Variants in MSRA observed in about 807,000 individuals in gnomAD.
MSRA encodes mitochondrial peptide methionine sulfoxide reductase.
Under a neutral mutation model 31.3 loss-of-function variants are expected in MSRA, and 54 were observed. The ratio of observed to expected loss-of-function variants is 1.73; its 90% CI spans 1.39 to 2.17. MSRA has a LOEUF of 2.17. Among genes scored for constraint, MSRA ranks in the 30% most tolerant of loss-of-function variants. The pLI, the probability that MSRA is intolerant of heterozygous loss-of-function variation, is 0.00. For synonymous variants in MSRA, 169 were observed against 116.5 expected, an observed-to-expected ratio of 1.45 and a Z score of -2.90; for missense variants, 507 against 300.9, an observed-to-expected ratio of 1.69 and a Z score of -5.07.
chr8:10,102,104 C>T (rs192311988), intron 1 of MSRA, among the ~76,000 whole-genome samples: 1 of 152,164 alleles, frequency 6.6e-6, no homozygotes, highest in East Asian at 1.9e-4. Context: ...TATGTTGTGC[C>T]TTTTTGTGGA....
At chr8:10,233,702 T>TCA (rs1811691391) in intron 2 of MSRA, among the ~76,000 whole-genome samples, 1 of 152,224 alleles carries the variant, frequency 6.6e-6, no homozygotes, top group African/African-American at 2.4e-5. Context: ...TAAGTTGAGA[T>TCA]GTGTCAACTG....
At chr8:10,110,321 T>A (rs1241548077) in intron 1 of MSRA, among the ~76,000 whole-genome samples, 2 of 152,226 alleles carry the variant, frequency 1.3e-5, no homozygotes, top group Non-Finnish European at 2.9e-5. Context: ...TTTCTGGATA[T>A]TTTCAAGAGT....
chr8:10,305,798 G>A lies in MSRA; in HGVS notation c.436+4160G>A, dbSNP rs374990429. 5.3e-5 allele frequency among the ~76,000 whole-genome samples: 8 copies of A among 152,254 alleles called. No individual in the cohort carries two copies. The East Asian group carries it at 5.8e-4, about 11-fold the overall frequency. On this transcript the variant is annotated intron_variant, in intron 4 of 5. Transcript: ENST00000317173. ...GCTTTTTAAGGTATAGGTGAGGCCC[G>A]AGACCTGTTATTCCACAGCCACTAG...
At chr8:10,383,665 G>A (rs150023559) in intron 5 of MSRA, among the ~76,000 whole-genome samples, 20 of 152,220 alleles carry the variant, frequency 1.3e-4, no homozygotes, top group East Asian at 3.9e-4. Flanking sequence ...TCCAGGAAGC[G>A]GGATTGGAAT....
chr8:10,178,528 G>A (rs981518440), intron 1 of MSRA, among the ~76,000 whole-genome samples: 7 of 152,068 alleles, frequency 4.6e-5, no homozygotes, highest in South Asian at 2.1e-4. Context: ...TTTATAATGC[G>A]GAAACTACCA....
At chr8:10,103,169 G>A (rs1419435641) in intron 1 of MSRA, among the ~76,000 whole-genome samples, 2 of 151,922 alleles carry the variant, frequency 1.3e-5, no homozygotes, top group Admixed American at 6.6e-5. Context: ...CATTTTTTTG[G>A]TTATTAACAT....
intron 5 of MSRA, among the ~76,000 whole-genome samples, chr8:10,327,536 G>A (rs745520434): frequency 1.3e-5 from 2 of 152,168 alleles, no homozygotes; most frequent in African/African-American, 4.8e-5. Flanking sequence ...CAGATATTTA[G>A]TGACTCCCTA....
intron 1 of MSRA, among the ~76,000 whole-genome samples, chr8:10,168,499 G>C (rs1805333583): frequency 6.6e-6 from 1 of 152,082 alleles, no homozygotes; most frequent in South Asian, 2.1e-4. Flanking sequence ...GTATAAATGT[G>C]GTTTTTGGAA....
chr8:10,322,441 G>A (rs1306598015), intron 5 of MSRA, among the ~76,000 whole-genome samples: 1 of 152,218 alleles, frequency 6.6e-6, no homozygotes, highest in South Asian at 2.1e-4. Flanking sequence ...TGGAAGTGGA[G>A]AGTCAATAAG....
chr8:10,228,386 C>G (rs1433492042), intron 2 of MSRA, among the ~76,000 whole-genome samples: 1 of 152,138 alleles, frequency 6.6e-6, no homozygotes, highest in African/African-American at 2.4e-5. Flanking sequence ...TTATTGATAT[C>G]CAGTAAATGC....
At chr8:10,293,556 T>C (rs553422890) in intron 3 of MSRA, among the ~76,000 whole-genome samples, 3 of 152,318 alleles carry the variant, frequency 2.0e-5, no homozygotes, top group Admixed American at 2.0e-4. Context: ...TTGAATGATT[T>C]TGGACGAGCA....
intron 2 of MSRA, among the ~76,000 whole-genome samples, chr8:10,221,050 G>C (rs1810448983): frequency 6.6e-6 from 1 of 152,186 alleles, no homozygotes; most frequent in African/African-American, 2.4e-5. Flanking sequence ...CTGCAGTACA[G>C]ATATGCAGTG....
intron 1 of MSRA, among the ~76,000 whole-genome samples, chr8:10,064,417 A>T (rs1011659464): frequency 4.0e-5 from 6 of 151,702 alleles, no homozygotes; most frequent in Admixed American, 3.9e-4. Flanking sequence ...GTATCCTTTC[A>T]TGGAAGTGCA....
At chr8:10,146,034 A>T (rs1803110314) in intron 1 of MSRA, among the ~76,000 whole-genome samples, 1 of 152,334 alleles carries the variant, frequency 6.6e-6, no homozygotes, top group African/African-American at 2.4e-5. Flanking sequence ...ATATACTTTC[A>T]GTACCTACTA....
chr8:10,225,182 G>C (rs1332320590), intron 2 of MSRA, among the ~76,000 whole-genome samples: 2 of 152,290 alleles, frequency 1.3e-5, no homozygotes, highest in South Asian at 2.1e-4. Flanking sequence ...CACCCAACCT[G>C]TGTTGAGGCC....
At chr8:10,334,656 G>A (rs1802914696) in intron 5 of MSRA, among the ~76,000 whole-genome samples, 1 of 152,170 alleles carries the variant, frequency 6.6e-6, no homozygotes, top group Admixed American at 6.5e-5. Context: ...CCAGAGATCA[G>A]AGCTTTCATG....
intron 1 of MSRA, among the ~76,000 whole-genome samples, chr8:10,105,681 C>T (rs1467421484): frequency 6.6e-6 from 1 of 151,900 alleles, no homozygotes; most frequent in Non-Finnish European, 1.5e-5. Context: ...AGCACTTTCT[C>T]CTTCCCCTAA....
At chr8:10,359,523 G>A (rs745839458) in intron 5 of MSRA, among the ~76,000 whole-genome samples, 1 of 152,108 alleles carries the variant, frequency 6.6e-6, no homozygotes, top group Non-Finnish European at 1.5e-5. Flanking sequence ...TTCATTATCT[G>A]TAGGGATTTT....
intron 1 of MSRA, among the ~76,000 whole-genome samples, chr8:10,089,303 A>G (rs1450437646): frequency 4.6e-5 from 7 of 152,232 alleles, no homozygotes; most frequent in Admixed American, 3.3e-4. Flanking sequence ...AAGCCTTAAA[A>G]GAACAAAAGA....
Sources: allele counts gnomAD v4.1 joint callset (sites outside exome capture counted in the v4.1 genomes callset), GRCh38; gene constraint gnomAD v4.1.1; transcripts MANE v1.5; gene names NCBI Gene and HGNC (gene_info 2026-07-23, HGNC 2026-07-21).